CPNE5: variants seen among roughly 807,000 people sequenced by gnomAD.
CPNE5 encodes copine-5.
Under a neutral mutation model 81.1 loss-of-function variants are expected in CPNE5, and 42 were observed. The observed-to-expected ratio is 0.52, with a 90% CI of 0.40 to 0.67. CPNE5 has a LOEUF of 0.67. Ranked by LOEUF, CPNE5 falls within the 30% of genes least tolerant of loss-of-function variation. The pLI, the probability that CPNE5 is intolerant of heterozygous loss-of-function variation, is 0.00. For synonymous variants in CPNE5, 313 were observed against 321.5 expected, an observed-to-expected ratio of 0.97 and a Z score of 0.28; for missense variants, 612 against 815.5, an observed-to-expected ratio of 0.75 and a Z score of 3.04.
chr6:36,794,716 C>T (rs1216341301), intron 6 of CPNE5, 67 bp from the exon 7 acceptor site: 9 of 1,423,600 alleles, frequency 6.3e-6, no homozygotes, highest in Non-Finnish European at 8.9e-6. Context: ...CAGGCCAGCG[C>T]ACTTGGCATC....
At chr6:36,812,584 G>C (rs887467082) in intron 3 of CPNE5, among the ~76,000 whole-genome samples, 7 of 152,180 alleles carry the variant, frequency 4.6e-5, no homozygotes, top group Admixed American at 3.9e-4. Flanking sequence ...AGGATTCAAA[G>C]GGACATCCCA....
At chr6:36,768,040 T>G (rs1004068866) in intron 10 of CPNE5, among the ~76,000 whole-genome samples, 8 of 152,024 alleles carry the variant, frequency 5.3e-5, no homozygotes, top group African/African-American at 9.7e-5. Context: ...TGAATGAGAT[T>G]CCTGTGCAAA....
At chr6:36,753,201 G>T in intron 13 of CPNE5, 106 bp from the exon 14 acceptor site, 1 of 873,850 alleles carries the variant, frequency 1.1e-6, no homozygotes, top group Middle Eastern at 2.2e-4. Context: ...TGCCAGTTTT[G>T]CATGCATGAC....
intron 3 of CPNE5, among the ~76,000 whole-genome samples, chr6:36,813,696 C>T (rs1318603058): frequency 1.3e-5 from 2 of 152,192 alleles, no homozygotes; most frequent in Non-Finnish European, 2.9e-5. Context: ...CACCAGCCTT[C>T]TTTTTGTCCT....
At chr6:36,744,580 G>A in intron 18 of CPNE5, 3 of 556,446 alleles carry the variant, frequency 5.4e-6, no homozygotes. Flanking sequence ...CTGCTTTGGT[G>A]AGTCACCCCC....
chr6:36,804,068 G>C (rs531814203), intron 3 of CPNE5, among the ~76,000 whole-genome samples: 1 of 152,276 alleles, frequency 6.6e-6, no homozygotes, highest in South Asian at 2.1e-4. Context: ...ATCCTGTGAG[G>C]TATTACCCAT....
At chr6:36,792,464 C>T in intron 7 of CPNE5, 2 of 1,221,204 alleles carry the variant, frequency 1.6e-6, no homozygotes, top group Non-Finnish European at 2.2e-6. Context: ...CAAAAGACCT[C>T]ATGGGCTAGC....
rs1323537357 is a variant in CPNE5 at position 36,741,692 on chromosome 6, A to G, written c.*576T>C. The G allele has an allele frequency of 6.6e-6, 1 of 152,624 alleles. No homozygotes were observed. Among genetic ancestry groups the G allele is most frequent in the Non-Finnish European group, 1.5e-5 (1 of 68,372 alleles). 9.5% of individuals were successfully genotyped at this position (152,624 alleles called of 1,614,324 possible). ...CCACTTCAGGCCCATCACATGGCCT[A>G]CGGTCCATGATTACAGCACCCCATG... On this transcript the variant is annotated 3_prime_UTR_variant, in exon 21 of 21. Coordinates refer to ENST00000244751, the MANE Select transcript of CPNE5 (RefSeq NM_020939.2).
In CPNE5 at chr6:36,762,947, G is replaced by A. The variant is rs1334627634; in HGVS notation, c.825C>T (p.Ala275=). 6.2e-7 allele frequency: 1 copy of A among 1,614,126 alleles called. No individual in the cohort carries two copies. The highest frequency in any genetic ancestry group is 8.5e-7 in the Non-Finnish European group (1 of 1,180,014). ...AGATGTTGAATTGGCTCTGCCCACG[G>A]GCCAGCTCCCGGTAACTGGTGGTGA... ...GEFTTSYREL[A]RGQSQFNIYE... is the part of the protein sequence containing the mutation. Residue 275 remains alanine (A), a synonymous_variant, in exon 12 of 21, where the codon GCC becomes GCT. Coordinates refer to ENST00000244751, the MANE Select transcript of CPNE5 (RefSeq NM_020939.2).
chr6:36,837,584 C>T (rs191803453), intron 1 of CPNE5, among the ~76,000 whole-genome samples: 6 of 152,260 alleles, frequency 3.9e-5, no homozygotes, highest in Non-Finnish European at 7.4e-5. Context: ...GACCCTGTGG[C>T]CCAGGCTGAG....
chr6:36,787,891 G>C (rs9380602), intron 8 of CPNE5, among the ~76,000 whole-genome samples: 1 of 151,846 alleles, frequency 6.6e-6, no homozygotes, highest in African/African-American at 2.4e-5. Flanking sequence ...TGGTAAAGAC[G>C]TACTATCCTG....
intron 8 of CPNE5, among the ~76,000 whole-genome samples, chr6:36,780,349 T>C (rs1051069205): frequency 6.6e-6 from 1 of 152,086 alleles, no homozygotes; most frequent in African/African-American, 2.4e-5. Context: ...GAAGAAGACG[T>C]AGCTCCCATG....
rs1265601190 is a variant in CPNE5, at chr6:36,742,283, C to G, written c.1767G>C (p.Leu589=). Residue 589 remains leucine, a synonymous_variant, in exon 21 of 21, where the codon CTG becomes CTC. Transcript: ENST00000244751. ...GAGACCAGGTTCAGATGTGCGTGTG[C>G]AGGGGGGACGCAGGGGGCGTGCGGG... ...SPARTPPASP[L]HTHI 3 of 1,592,156 alleles carry G rather than the reference C, an allele frequency of 1.9e-6. No individual in the cohort carries two copies. In the East Asian group the frequency reaches 6.7e-5, roughly 36 times the overall value.
At chr6:36,794,843 G>C (rs1027121392) in intron 6 of CPNE5, among the ~76,000 whole-genome samples, 194 bp from the exon 7 acceptor site, 2 of 152,222 alleles carry the variant, frequency 1.3e-5, no homozygotes, top group African/African-American at 4.8e-5. Flanking sequence ...TGGTTCTCAA[G>C]GTGGGATGCC....
chr6:36,756,946 C>G (rs1484333296), intron 12 of CPNE5, among the ~76,000 whole-genome samples: 4 of 152,186 alleles, frequency 2.6e-5, no homozygotes, highest in African/African-American at 9.7e-5. Flanking sequence ...GGCGATTTTA[C>G]CCCCAGGAAC....
intron 8 of CPNE5, among the ~76,000 whole-genome samples, chr6:36,788,688 G>GTATTACAGGCAGTAACAATCGTTTT (rs61131240): frequency 2.0e-5 from 3 of 152,022 alleles, no homozygotes; most frequent in Admixed American, 1.3e-4. Context: ...TTTTACTGCT[G>GTATTACAGGCAGTAACAATCGTTTT]AGCAGAATTG....
intron 8 of CPNE5, among the ~76,000 whole-genome samples, chr6:36,785,653 G>A (rs1768464658): frequency 2.0e-5 from 3 of 152,162 alleles, no homozygotes. Context: ...AGTATGGTTT[G>A]AGGCCAGGAG....
intron 12 of CPNE5, 142 bp downstream of exon 12, chr6:36,762,775 C>T: frequency 1.5e-6 from 1 of 661,960 alleles, no homozygotes; most frequent in East Asian, 2.8e-5. Context: ...AAGACTTGGT[C>T]TCCTTAACGG....
intron 14 of CPNE5, among the ~76,000 whole-genome samples, chr6:36,749,456 A>C (rs1172728224): frequency 6.6e-6 from 1 of 152,190 alleles, no homozygotes; most frequent in African/African-American, 2.4e-5. Context: ...AGGAATTGTT[A>C]ATTTTTTAGG....
Sources: gnomAD v4.1 joint callset for allele counts (sites outside exome capture counted in the v4.1 genomes callset) on GRCh38, gnomAD v4.1.1 for gene constraint, MANE v1.5 for transcripts, NCBI Gene and HGNC (gene_info 2026-07-23, HGNC 2026-07-21) for gene names.